The following QTMAN variants were observed in gnomAD, a reference collection of about 807,000 sequenced individuals.
QTMAN encodes the protein queuosine-tRNA mannosyltransferase.
At chr2:144,165,207 T>C in the QTMAN span, among the ~76,000 whole-genome samples, 6 of 151,854 alleles carry the variant, frequency 4.0e-5, no homozygotes, top group Non-Finnish European at 7.4e-5. Context: ...CTATCTCTAC[T>C]AAAAATACAA....
the QTMAN span, among the ~76,000 whole-genome samples, chr2:144,190,615 A>T: frequency 6.6e-6 from 1 of 152,194 alleles, no homozygotes; most frequent in Non-Finnish European, 1.5e-5. Context: ...CTTAGCTGGG[A>T]TTATACAATA....
the QTMAN span, among the ~76,000 whole-genome samples, chr2:144,091,564 C>A: frequency 5.4e-3 from 817 of 152,228 alleles, 4 homozygotes; most frequent in African/African-American, 0.019. Context: ...GAAACTAGAA[C>A]TCTCATGTAC....
chr2:144,164,035 G>A, the QTMAN span, among the ~76,000 whole-genome samples: 1 of 152,102 alleles, frequency 6.6e-6, no homozygotes, highest in Non-Finnish European at 1.5e-5. Context: ...CGATTCTCCT[G>A]CCTCAGCCAC....
chr2:143,942,294 A>G, the QTMAN span: 1 of 167,282 alleles, frequency 6.0e-6, no homozygotes, highest in South Asian at 2.1e-4. Context: ...TCCAATTTAG[A>G]AAAATGGACT....
chr2:144,196,429 CAA>C, the QTMAN span, among the ~76,000 whole-genome samples: 2 of 151,972 alleles, frequency 1.3e-5, no homozygotes, highest in Non-Finnish European at 2.9e-5. Flanking sequence ...ATATCTGTAT[CAA>C]TACTGGATAT....
At chr2:143,991,099 G>GA in the QTMAN span, among the ~76,000 whole-genome samples, 3 of 151,784 alleles carry the variant, frequency 2.0e-5, no homozygotes, top group East Asian at 3.9e-4. Flanking sequence ...TGAAAAATAT[G>GA]AAAAAAAGCT....
chr2:144,196,458 C>A, the QTMAN span, among the ~76,000 whole-genome samples: 13 of 151,996 alleles, frequency 8.6e-5, no homozygotes, highest in Admixed American at 6.6e-5. Context: ...AAACTATGAG[C>A]TAAAATCCCC....
chr2:144,163,897 C>T, the QTMAN span, among the ~76,000 whole-genome samples: 1 of 152,030 alleles, frequency 6.6e-6, no homozygotes, highest in Non-Finnish European at 1.5e-5. Flanking sequence ...TTGCTAACTA[C>T]TAGCTATGCG....
At chr2:144,124,591 C>T in the QTMAN span, among the ~76,000 whole-genome samples, 1 of 152,072 alleles carries the variant, frequency 6.6e-6, no homozygotes, top group Non-Finnish European at 1.5e-5. Context: ...GCCACCATCA[C>T]TGGGAGCTAT....
At chr2:144,207,115 A>G in the QTMAN span, among the ~76,000 whole-genome samples, 3 of 152,208 alleles carry the variant, frequency 2.0e-5, no homozygotes, top group African/African-American at 7.2e-5. Context: ...TCCTCATACT[A>G]TTAGTGAATC....
At chr2:144,332,648 G>C in the QTMAN span, 6 of 151,396 alleles carry the variant, frequency 4.0e-5, no homozygotes, top group African/African-American at 2.4e-5. Context: ...TGCGCCGCCC[G>C]GACTCCGCTG....
At chr2:144,233,309 G>T in the QTMAN span, among the ~76,000 whole-genome samples, 2 of 152,196 alleles carry the variant, frequency 1.3e-5, no homozygotes, top group Non-Finnish European at 2.9e-5. Flanking sequence ...ATCTAAGAGA[G>T]TGGAAAAGGC....
the QTMAN span, among the ~76,000 whole-genome samples, chr2:144,203,150 AGTGTGTGTGTGTGTGTGT>A: frequency 4.8e-5 from 7 of 145,644 alleles, no homozygotes; most frequent in East Asian, 2.1e-4. Flanking sequence ...TACAATGAAG[AGTGTGTGTGTGTGTGTGT>A]GTGTGTGTGT....
the QTMAN span, among the ~76,000 whole-genome samples, chr2:144,273,097 C>G: frequency 2.0e-5 from 3 of 151,984 alleles, no homozygotes; most frequent in Non-Finnish European, 4.4e-5. Flanking sequence ...ATTTATGTAC[C>G]TTTCTACTTC....
At chr2:144,311,164 C>T in the QTMAN span, among the ~76,000 whole-genome samples, 1 of 152,096 alleles carries the variant, frequency 6.6e-6, no homozygotes, top group Non-Finnish European at 1.5e-5. Flanking sequence ...CAGACACATT[C>T]CTGGAGCCAT....
chr2:144,069,219 G>C, the QTMAN span, among the ~76,000 whole-genome samples: 1 of 143,086 alleles, frequency 7.0e-6, no homozygotes, highest in South Asian at 2.3e-4. Flanking sequence ...CGGGAACACT[G>C]TTTTAAAAAG....
chr2:144,100,654 T>TG, the QTMAN span, among the ~76,000 whole-genome samples: 2 of 152,170 alleles, frequency 1.3e-5, no homozygotes, highest in Admixed American at 6.5e-5. Context: ...AATTTATACT[T>TG]GGAGACATCC....
the QTMAN span, among the ~76,000 whole-genome samples, chr2:143,997,512 CT>C: frequency 2.0e-5 from 3 of 152,066 alleles, no homozygotes; most frequent in Non-Finnish European, 2.9e-5. Flanking sequence ...TACTCCGCTC[CT>C]TAGGTGAGGT....
At chr2:144,128,207 T>C in the QTMAN span, 2 of 152,202 alleles carry the variant, frequency 1.3e-5, no homozygotes, top group East Asian at 3.9e-4. Context: ...GGATCTGTGG[T>C]ATCAAATCTC....
Sources: gnomAD v4.1 joint callset for allele counts (sites outside exome capture counted in the v4.1 genomes callset) on GRCh38, gnomAD v4.1.1 for gene constraint, MANE v1.5 for transcripts, NCBI Gene and HGNC (gene_info 2026-07-23, HGNC 2026-07-21) for gene names.